GRM8: variants seen among roughly 807,000 people sequenced by gnomAD.
The protein encoded by GRM8 is metabotropic glutamate receptor 8.
Under a neutral mutation model 87.2 loss-of-function variants are expected in GRM8, and 47 were observed. The ratio of observed to expected loss-of-function variants is 0.54; its 90% CI spans 0.43 to 0.69. The LOEUF (loss-of-function observed/expected upper bound fraction) is 0.69. GRM8 is among the 30% of genes least tolerant of loss of function. The pLI is 0.00. For synonymous variants in GRM8, 396 were observed against 404.5 expected, an observed-to-expected ratio of 0.98 and a Z score of 0.25; for missense variants, 1,019 against 1,139.2, an observed-to-expected ratio of 0.89 and a Z score of 1.52.
At chr7:127,076,597 C>T (rs1307835784) in intron 3 of GRM8, among the ~76,000 whole-genome samples, 2 of 152,136 alleles carry the variant, frequency 1.3e-5, no homozygotes, top group African/African-American at 2.4e-5. Context: ...CCTCCAATGA[C>T]GACACCCAGA....
intron 8 of GRM8, among the ~76,000 whole-genome samples, chr7:126,594,330 T>A (rs1585157974): frequency 6.6e-6 from 1 of 152,054 alleles, no homozygotes; most frequent in Admixed American, 6.6e-5. Flanking sequence ...AGATGTAGAA[T>A]CAACCTAAGT....
intron 3 of GRM8, among the ~76,000 whole-genome samples, chr7:127,052,116 G>A (rs994320361): frequency 2.0e-5 from 3 of 152,256 alleles, no homozygotes; most frequent in Admixed American, 6.5e-5. Flanking sequence ...AAAAAAATCA[G>A]TTGGAGTCTG....
chr7:127,061,045 G>T (rs932591331), intron 3 of GRM8, among the ~76,000 whole-genome samples: 2 of 152,164 alleles, frequency 1.3e-5, no homozygotes, highest in African/African-American at 2.4e-5. Context: ...CACCTACCTT[G>T]TATACCTGAG....
intron 3 of GRM8, among the ~76,000 whole-genome samples, chr7:126,971,837 C>T (rs1448225030): frequency 2.0e-5 from 3 of 151,984 alleles, no homozygotes; most frequent in East Asian, 3.9e-4. Context: ...GCAGAAAGAC[C>T]CAGGAGGAAA....
chr7:127,051,881 T>C (rs548080966), intron 3 of GRM8, among the ~76,000 whole-genome samples: 16 of 150,758 alleles, frequency 1.1e-4, no homozygotes, highest in African/African-American at 1.7e-4. Flanking sequence ...CATAAAGGCA[T>C]GCATAAGAAT....
rs769198 is a variant in GRM8 at position 126,609,392 on chromosome 7, G to C, written c.1464C>G (p.Ile488Met). The change falls in exon 8 of 11, where the codon ATC (isoleucine) becomes ATG (methionine). Residue 488 changes from isoleucine (I) to methionine (M), a missense_variant. By Grantham distance (10) the Ile-to-Met change is conservative. Transcript: ENST00000339582. ...GATGAAGCTGATTGGTCCAGTGGCC[G>C]ATGACTTTGTACTCTGTGCTTTTGT... ...ITNKSTEYKV[I>M]GHWTNQLHLK... 6.2e-7 allele frequency: 1 copy of C among 1,613,158 alleles called. No homozygotes were observed. The highest frequency in any genetic ancestry group is 1.7e-5 in the Admixed American group (1 of 59,988).
chr7:126,527,908 T>C (rs1161440815), intron 9 of GRM8, among the ~76,000 whole-genome samples: 1 of 152,160 alleles, frequency 6.6e-6, no homozygotes, highest in African/African-American at 2.4e-5. Flanking sequence ...GCCTCTATGT[T>C]TAAGAAAACA....
At chr7:127,073,982 C>T (rs1821999439) in intron 3 of GRM8, among the ~76,000 whole-genome samples, 1 of 152,100 alleles carries the variant, frequency 6.6e-6, no homozygotes, top group African/African-American at 2.4e-5. Flanking sequence ...AAGGAGTATC[C>T]TTTCATTTAA....
At chr7:127,111,685 C>T (rs1255380380) in intron 2 of GRM8, among the ~76,000 whole-genome samples, 1 of 152,212 alleles carries the variant, frequency 6.6e-6, no homozygotes, top group Non-Finnish European at 1.5e-5. Flanking sequence ...CATTCATGCT[C>T]TTCTCAAATC....
intron 7 of GRM8, among the ~76,000 whole-genome samples, chr7:126,625,583 T>C (rs975227533): frequency 2.6e-5 from 4 of 152,304 alleles, no homozygotes; most frequent in East Asian, 1.9e-4. Context: ...TGCTTTAAGG[T>C]TGCAAAGTGT....
chr7:126,868,819 T>C lies in GRM8; in HGVS notation c.1156+33723A>G, dbSNP rs1798830983. 2.0e-5 allele frequency: 3 copies of C among 152,346 alleles called. 1 individual carries two copies. Among genetic ancestry groups the C allele is most frequent in the African/African-American group, 4.8e-5 (2 of 41,572 alleles). The allele number at this position is 152,346 out of a possible 1,614,324, so 9.4% of individuals were successfully genotyped here. ...CTGCTGGTGGAGGTTCTTGCCTCCATGTTGATGGAAGCTGAATCATCTGGG... is the reference window on the plus strand; with the variant it reads ...CTGCTGGTGGAGGTTCTTGCCTCCACGTTGATGGAAGCTGAATCATCTGGG... On this transcript the variant is annotated intron_variant, in intron 6 of 10. Coordinates refer to ENST00000339582, the MANE Select transcript of GRM8 (RefSeq NM_000845.3).
intron 7 of GRM8, among the ~76,000 whole-genome samples, chr7:126,616,451 T>C (rs1442455044): frequency 6.6e-6 from 1 of 151,818 alleles, no homozygotes; most frequent in Non-Finnish European, 1.5e-5. Context: ...CACCCTAACA[T>C]CACAATTAAA....
chr7:127,137,787 A>T (rs1828025584), intron 2 of GRM8, among the ~76,000 whole-genome samples: 1 of 152,136 alleles, frequency 6.6e-6, no homozygotes. Context: ...AAAATGCAAT[A>T]ATATTTCTGG....
chr7:126,972,219 T>C (rs977885907), intron 3 of GRM8, among the ~76,000 whole-genome samples: 1 of 152,180 alleles, frequency 6.6e-6, no homozygotes, highest in Non-Finnish European at 1.5e-5. Flanking sequence ...ATGCTGTGGA[T>C]AATACAGTAC....
chr7:127,168,915 G>A (rs187275976), intron 2 of GRM8, among the ~76,000 whole-genome samples: 186 of 151,962 alleles, frequency 1.2e-3, no homozygotes, highest in Non-Finnish European at 2.2e-3. Flanking sequence ...TGTAGATGAC[G>A]GGTTGATGGG....
At chr7:126,477,605 A>AAG (rs1333173309) in intron 9 of GRM8, among the ~76,000 whole-genome samples, 1 of 147,154 alleles carries the variant, frequency 6.8e-6, no homozygotes, top group Non-Finnish European at 1.5e-5. Context: ...GAAAGAAAGA[A>AAG]AGAAAGAAAG....
intron 3 of GRM8, among the ~76,000 whole-genome samples, chr7:127,100,923 A>T (rs969737102): frequency 2.6e-5 from 4 of 152,094 alleles, no homozygotes; most frequent in African/African-American, 9.7e-5. Flanking sequence ...TCCATACTCA[A>T]CCATCAATTG....
At chr7:126,583,745 T>C (rs1379157223) in intron 8 of GRM8, among the ~76,000 whole-genome samples, 1 of 147,762 alleles carries the variant, frequency 6.8e-6, no homozygotes, top group Non-Finnish European at 1.5e-5. Flanking sequence ...AACTGCTTCC[T>C]ATGAATGAGC....
intron 6 of GRM8, among the ~76,000 whole-genome samples, chr7:126,799,983 T>C (rs1822469864): frequency 6.6e-6 from 1 of 151,934 alleles, no homozygotes; most frequent in African/African-American, 2.4e-5. Context: ...AGCTGATGAG[T>C]TCCAATTACC....
Sources: allele counts gnomAD v4.1 joint callset (sites outside exome capture counted in the v4.1 genomes callset), GRCh38; gene constraint gnomAD v4.1.1; transcripts MANE v1.5; gene names NCBI Gene and HGNC (gene_info 2026-07-23, HGNC 2026-07-21).